LCOR: variants seen among roughly 807,000 people sequenced by gnomAD.
LCOR encodes ligand dependent nuclear receptor corepressor.
Under a neutral mutation model 64.4 loss-of-function variants are expected in LCOR, and 14 were observed. The ratio of observed to expected loss-of-function variants is 0.22; its 90% CI spans 0.14 to 0.34. The LOEUF is 0.34. LCOR is among the 10% of genes least tolerant of loss of function. The probability of loss-of-function intolerance (pLI) is 1.00; values close to 1 mark genes in which losing one functional copy is unlikely to be tolerated. For missense variants in LCOR, 1,686 were observed against 1,765.3 expected (o/e 0.96, Z 0.80); for synonymous variants, 643 against 642.5 (o/e 1.00, Z -0.01).
intron 7 of LCOR, among the ~76,000 whole-genome samples, chr10:96,973,313 G>A (rs1021079278): frequency 6.6e-6 from 1 of 152,162 alleles, no homozygotes; most frequent in African/African-American, 2.4e-5. Context: ...TTTCTAAAGA[G>A]TGGAAAAATA....
At chr10:96,932,810 C>A (rs1847285141) in intron 4 of LCOR, among the ~76,000 whole-genome samples, 4 of 152,056 alleles carry the variant, frequency 2.6e-5, no homozygotes, top group Admixed American at 2.6e-4. Context: ...AAGTGTTGCA[C>A]CATAGTACCC....
intron 7 of LCOR, among the ~76,000 whole-genome samples, chr10:96,978,491 A>G (rs914426937): frequency 2.0e-5 from 3 of 152,186 alleles, no homozygotes; most frequent in African/African-American, 7.2e-5. Context: ...AGTTCACCGT[A>G]CTTGTGTACC....
At chr10:96,832,457 A>G (rs1245223103) in intron 1 of LCOR, 58 bp downstream of exon 1, 26 of 668,870 alleles carry the variant, frequency 3.9e-5, no homozygotes, top group Non-Finnish European at 4.6e-5. Flanking sequence ...CGGTCGCCCC[A>G]GACCAGGGAG....
chr10:96,970,330 G>A (rs1318287941), intron 7 of LCOR, among the ~76,000 whole-genome samples: 2 of 152,018 alleles, frequency 1.3e-5, no homozygotes, highest in Non-Finnish European at 2.9e-5. Context: ...CCCGGGAGGC[G>A]GAGGTTGCAG....
intron 4 of LCOR, among the ~76,000 whole-genome samples, chr10:96,908,799 T>G (rs1846775532): frequency 6.6e-6 from 1 of 151,844 alleles, no homozygotes; most frequent in East Asian, 1.9e-4. Context: ...CACTGCAGGC[T>G]CCCCCCTCCG....
At position 96,896,933 on chromosome 10, in the gene LCOR, A is replaced by G. The variant is rs569627949; in HGVS notation, c.-329-10332A>G. Among the ~76,000 whole-genome samples, 5 of 152,260 alleles carry G rather than the reference A, an allele frequency of 3.3e-5. No homozygotes were observed. In the South Asian group the frequency reaches 1.0e-3, roughly 32 times the overall value. On this transcript the variant is annotated intron_variant, in intron 2 of 7. Transcript: ENST00000421806. ...ACCTTTCCAACCCTAAGAACTTTCAAAGTTTAGTTTTTATCTCTGTTCTTT... is the reference window on the plus strand; with the variant it reads ...ACCTTTCCAACCCTAAGAACTTTCAGAGTTTAGTTTTTATCTCTGTTCTTT...
chr10:96,878,045 T>G (rs1278466949), intron 2 of LCOR, among the ~76,000 whole-genome samples: 1 of 152,228 alleles, frequency 6.6e-6, no homozygotes, highest in Non-Finnish European at 1.5e-5. Flanking sequence ...GAGAGTACTA[T>G]TTTGCATCCA....
chr10:96,846,485 C>T (rs1036362036), intron 2 of LCOR, among the ~76,000 whole-genome samples: 1 of 151,986 alleles, frequency 6.6e-6, no homozygotes, highest in African/African-American at 2.4e-5. Context: ...CTCTTGGGCT[C>T]AAGTGATCCT....
intron 2 of LCOR, among the ~76,000 whole-genome samples, chr10:96,871,380 T>C (rs1020964452): frequency 1.3e-5 from 2 of 151,668 alleles, no homozygotes; most frequent in Admixed American, 1.3e-4. Context: ...TCCTAAAGAA[T>C]CAGAGTAGGA....
In LCOR at chr10:96,984,297, C is replaced by T. The variant is rs1193671231; in HGVS notation, c.3837C>T (p.Gly1279=). ...EPEDGSDVSP[G]PNSEDSIEEV... Reference sequence around the variant, plus strand: ...AAGATGGCAGTGATGTCAGCCCCGGCCCTAATTCTGAAGACAGCATAGAGG... The same window carrying T: ...AAGATGGCAGTGATGTCAGCCCCGGTCCTAATTCTGAAGACAGCATAGAGG... Residue 1279 remains glycine (G), a synonymous_variant, in exon 8 of 8, where the codon GGC becomes GGT. Coordinates refer to ENST00000421806, the MANE Select transcript of LCOR (RefSeq NM_001346516.2). 4.3e-6 allele frequency: 7 copies of T among 1,613,988 alleles called. No homozygotes were observed. The highest frequency in any genetic ancestry group is 1.3e-5 in the African/African-American group (1 of 74,912).
At chr10:96,973,223 G>A (rs1455332840) in intron 7 of LCOR, among the ~76,000 whole-genome samples, 1 of 152,034 alleles carries the variant, frequency 6.6e-6, no homozygotes, top group East Asian at 1.9e-4. Flanking sequence ...ATTCACTTTT[G>A]CCTACCCTTT....
rs375266535 is a variant in LCOR, at chr10:96,916,587, C to CCATATATA, written c.-184+8840_-184+8841insCATATATA. Among the ~76,000 whole-genome samples the CCATATATA allele has an allele frequency of 1.7e-3, 238 of 138,208 alleles. 3 individuals carry two copies. Among genetic ancestry groups the CCATATATA allele is most frequent in the African/African-American group, 6.0e-3 (217 of 36,082 alleles). The allele number at this position is 138,208 out of a possible 152,430, so 90.7% of individuals were successfully genotyped here. A position where few individuals can be genotyped will look rare whatever the true frequency, so the allele number is the denominator to read the frequency against. On this transcript the variant is annotated intron_variant, in intron 4 of 7. Coordinates refer to ENST00000421806, the MANE Select transcript of LCOR (RefSeq NM_001346516.2). ...GAAACACATATGAGATATTTAAAGG[C>CCATATATA]TATATATATATATATATATCTATAT...
chr10:96,946,573 TTTTA>T (rs2134518755), intron 5 of LCOR, among the ~76,000 whole-genome samples: 1 of 152,092 alleles, frequency 6.6e-6, no homozygotes, highest in African/African-American at 2.4e-5. Context: ...GATTTGTTGC[TTTTA>T]TTTGACTCAG....
At chr10:96,922,937 A>G (rs1847106861) in intron 4 of LCOR, among the ~76,000 whole-genome samples, 1 of 152,164 alleles carries the variant, frequency 6.6e-6, no homozygotes, top group Non-Finnish European at 1.5e-5. Context: ...TTGGTTTTCT[A>G]TTCATTAACT....
At chr10:96,926,691 A>G (rs573713280) in intron 4 of LCOR, among the ~76,000 whole-genome samples, 3 of 152,278 alleles carry the variant, frequency 2.0e-5, no homozygotes, top group Admixed American at 1.3e-4. Context: ...AGAAGTTTGT[A>G]TGTGCCCTTT....
Position 96,983,016 on chromosome 10 carries a change from T to A in LCOR, c.2556T>A (p.Ser852Arg), listed in dbSNP as rs1195952047. Residue 852 changes from serine to arginine, a missense_variant, in exon 8 of 8, where the codon AGT (serine) becomes AGA (arginine). Physicochemically the swap from Ser to Arg is moderately radical, Grantham distance 110 (BLOSUM62 -1). Coordinates refer to ENST00000421806, the MANE Select transcript of LCOR (RefSeq NM_001346516.2). This position sits in a 1 kb window ranked among gnomAD's most constrained non-coding sequence, Gnocchi z 4.5. ...CLEIKVPKNP[S>R]AKRSKKEGHP... is the part of the protein sequence containing the mutation. ...AAATCAAAGTTCCTAAAAATCCTAG[T>A]GCAAAACGTTCAAAAAAAGAAGGGC... 2 of 1,613,782 alleles carry A rather than the reference T, an allele frequency of 1.2e-6. No homozygotes were observed. The highest frequency in any genetic ancestry group is 1.7e-6 in the Non-Finnish European group (2 of 1,179,900).
rs577140194 is a variant in LCOR, at chr10:96,832,543, C to T, written c.-404+144C>T. 7.9e-3 allele frequency: 1,472 copies of T among 185,180 alleles called. 7 individuals are homozygous for T. The highest frequency in any genetic ancestry group is 0.011 in the Middle Eastern group (4 of 364). 11.5% of individuals were successfully genotyped at this position (185,180 alleles called of 1,614,324 possible). On this transcript the variant is annotated intron_variant, in intron 1 of 7. Transcript: ENST00000421806. ...TCGAGCGTCCCCCCTTCCCCCACCCCCCGGAGTGTGAGCGCGCGCGACCTC... is the reference window on the plus strand; with the variant it reads ...TCGAGCGTCCCCCCTTCCCCCACCCTCCGGAGTGTGAGCGCGCGCGACCTC...
rs560009658 is a variant in LCOR, at chr10:96,878,504, A to G, written c.-329-28761A>G. Reference sequence around the variant, plus strand: ...AAAGAGAGGAGATTAGGAGGACTCTAAAGTTTTTGGTTTAAGCAACTGAAA... The same window carrying G: ...AAAGAGAGGAGATTAGGAGGACTCTGAAGTTTTTGGTTTAAGCAACTGAAA... On this transcript the variant is annotated intron_variant, in intron 2 of 7. Transcript: ENST00000421806. 2.2e-3 allele frequency among the ~76,000 whole-genome samples: 328 copies of G among 152,332 alleles called. 1 individual carries two copies. Among genetic ancestry groups the G allele is most frequent in the Middle Eastern group, 3.4e-3 (1 of 294 alleles).
chr10:96,851,509 T>C (rs1378581616), intron 2 of LCOR, among the ~76,000 whole-genome samples: 2 of 152,164 alleles, frequency 1.3e-5, no homozygotes, highest in Non-Finnish European at 2.9e-5. Flanking sequence ...AAAAAGTGCC[T>C]GTGGATGACG....
Sources: allele counts gnomAD v4.1 joint callset (sites outside exome capture counted in the v4.1 genomes callset), GRCh38; gene constraint gnomAD v4.1.1; non-coding constraint Gnocchi (gnomAD v3.1); transcripts MANE v1.5; gene names NCBI Gene and HGNC (gene_info 2026-07-23, HGNC 2026-07-21).